ARHGAP29: variants seen among roughly 807,000 people sequenced by gnomAD.
ARHGAP29 encodes the protein Rho GTPase activating protein 29.
A neutral mutation model predicts 122.6 loss-of-function variants in ARHGAP29; 43 were observed. The ratio of observed to expected loss-of-function variants is 0.35; its 90% confidence interval spans 0.27 to 0.45. ARHGAP29 has a LOEUF of 0.45. Among genes scored for constraint, ARHGAP29 ranks in the 20% least tolerant of loss-of-function variants. The pLI is 1.00. For synonymous variants in ARHGAP29, 506 were observed against 497.1 expected, an observed-to-expected ratio of 1.02 and a Z score of -0.24; for missense variants, 1,303 against 1,477.2, an observed-to-expected ratio of 0.88 and a Z score of 1.93.
intron 12 of ARHGAP29, among the ~76,000 whole-genome samples, chr1:94,196,250 GTTTTTCTTTTTT>G: frequency 2.6e-5 from 1 of 39,082 alleles, no homozygotes; most frequent in African/African-American, 7.2e-5. Context: ...ATTTTTCCGT[GTTTTTCTTTTTT>G]TTTTTTTTTT....
At chr1:94,226,833 A>C (rs2101602344) in intron 2 of ARHGAP29, among the ~76,000 whole-genome samples, 1 of 152,104 alleles carries the variant, frequency 6.6e-6, no homozygotes, top group East Asian at 1.9e-4. Context: ...ATTAGGAATA[A>C]CTTCTAAAAA....
At chr1:94,295,951 A>C in the ARHGAP29 span, among the ~76,000 whole-genome samples, 2 of 152,208 alleles carry the variant, frequency 1.3e-5, no homozygotes, top group East Asian at 3.9e-4. Context: ...ACCTGGAAGA[A>C]GGCTGTCTTG....
the ARHGAP29 span, among the ~76,000 whole-genome samples, chr1:94,307,987 G>C: frequency 6.6e-6 from 1 of 152,128 alleles, no homozygotes; most frequent in African/African-American, 2.4e-5. Flanking sequence ...GTCTTGCCTA[G>C]TACCCAAGGA....
At chr1:94,289,691 T>C in the ARHGAP29 span, among the ~76,000 whole-genome samples, 1 of 152,230 alleles carries the variant, frequency 6.6e-6, no homozygotes, top group African/African-American at 2.4e-5. Flanking sequence ...ATTGAGAGTT[T>C]TCAGCATGAA....
At chr1:94,289,346 T>C in the ARHGAP29 span, among the ~76,000 whole-genome samples, 2 of 152,344 alleles carry the variant, frequency 1.3e-5, no homozygotes, top group South Asian at 4.1e-4. Flanking sequence ...TTTTGTATCC[T>C]GAGACTTTGC....
chr1:94,263,793 G>A (rs1012189606), intron 1 of ARHGAP29, among the ~76,000 whole-genome samples: 1 of 151,974 alleles, frequency 6.6e-6, no homozygotes, highest in Non-Finnish European at 1.5e-5. Context: ...ATGTACTTTG[G>A]TTTGTTCTGT....
At chr1:94,244,234 A>C (rs1178325551) in intron 1 of ARHGAP29, among the ~76,000 whole-genome samples, 3 of 85,074 alleles carry the variant, frequency 3.5e-5, no homozygotes, top group Non-Finnish European at 8.9e-5. Flanking sequence ...AAAAAAAACA[A>C]AAACACACAC....
intron 2 of ARHGAP29, among the ~76,000 whole-genome samples, chr1:94,224,462 A>C (rs914899320): frequency 6.6e-6 from 1 of 152,226 alleles, no homozygotes; most frequent in African/African-American, 2.4e-5. Context: ...AAAAACTACA[A>C]AATACTAATG....
chr1:94,286,848 T>C, the ARHGAP29 span, among the ~76,000 whole-genome samples: 5 of 152,196 alleles, frequency 3.3e-5, no homozygotes, highest in African/African-American at 4.8e-5. Context: ...GAATATGGTA[T>C]GGTAAATGTG....
the ARHGAP29 span, among the ~76,000 whole-genome samples, chr1:94,285,995 GC>G: frequency 6.6e-6 from 1 of 152,024 alleles, no homozygotes; most frequent in Non-Finnish European, 1.5e-5. Flanking sequence ...CTAGGAGACA[GC>G]AAGTAATACA....
chr1:94,260,118 C>T (rs1654502371), intron 1 of ARHGAP29, among the ~76,000 whole-genome samples: 2 of 152,312 alleles, frequency 1.3e-5, no homozygotes, highest in Middle Eastern at 3.4e-3. Context: ...CCACCATTTG[C>T]CACGTCATCA....
intron 12 of ARHGAP29, 146 bp downstream of exon 12, chr1:94,201,574 C>T (rs551466037): frequency 4.7e-6 from 3 of 637,820 alleles, no homozygotes; most frequent in South Asian, 1.8e-5. Context: ...TAATCATAAT[C>T]GAAGCTCACT....
chr1:94,189,169 A>C (rs1385265905), intron 14 of ARHGAP29, 47 bp downstream of exon 14: 1 of 1,557,088 alleles, frequency 6.4e-7, no homozygotes, highest in Admixed American at 2.0e-5. Flanking sequence ...ACATTCGAAC[A>C]ACCTGACCTT....
At chr1:94,227,436 A>G (rs1434097703) in intron 2 of ARHGAP29, among the ~76,000 whole-genome samples, 1 of 151,772 alleles carries the variant, frequency 6.6e-6, no homozygotes, top group African/African-American at 2.4e-5. Context: ...AAAATAAGGC[A>G]CCATAGTCAC....
chr1:94,202,040 T>C, intron 11 of ARHGAP29, 183 bp from the exon 12 acceptor site: 1 of 569,216 alleles, frequency 1.8e-6, no homozygotes, highest in Non-Finnish European at 3.0e-6. Context: ...TGGACAGCCA[T>C]GTACAATTTA....
chr1:94,303,388 T>C, the ARHGAP29 span, among the ~76,000 whole-genome samples: 1 of 151,916 alleles, frequency 6.6e-6, no homozygotes, highest in Admixed American at 6.6e-5. Flanking sequence ...GAAAGTGAAA[T>C]GGTGGTGCTA....
chr1:94,219,729 T>C (rs1026612052), intron 3 of ARHGAP29, among the ~76,000 whole-genome samples: 2 of 152,212 alleles, frequency 1.3e-5, no homozygotes, highest in Non-Finnish European at 1.5e-5. Context: ...CAGAGGATAA[T>C]GGTCCAATTC....
the ARHGAP29 span, among the ~76,000 whole-genome samples, chr1:94,291,006 T>C: frequency 2.0e-5 from 3 of 152,064 alleles, no homozygotes; most frequent in Admixed American, 6.6e-5. Context: ...TGATCTAATA[T>C]TGACAGTTGG....
chr1:94,303,130 C>T, the ARHGAP29 span: 1 of 152,852 alleles, frequency 6.5e-6, no homozygotes, highest in Non-Finnish European at 1.5e-5. Flanking sequence ...TGAGAATCAA[C>T]CTTCCTCATT....
Sources: gnomAD v4.1 joint callset for allele counts (sites outside exome capture counted in the v4.1 genomes callset) on GRCh38, gnomAD v4.1.1 for gene constraint, MANE v1.5 for transcripts, NCBI Gene and HGNC (gene_info 2026-07-23, HGNC 2026-07-21) for gene names.